KCNS3: variants seen among roughly 807,000 people sequenced by gnomAD.
The protein encoded by KCNS3 is potassium voltage-gated channel modifier subfamily S member 3.
Under a neutral mutation model 31.0 loss-of-function variants are expected in KCNS3, and 13 were observed. The ratio of observed to expected loss-of-function variants is 0.42; its 90% confidence interval spans 0.27 to 0.67. The LOEUF (loss-of-function observed/expected upper bound fraction) is 0.67. KCNS3 is among the 30% of genes least tolerant of loss of function. KCNS3 has a pLI of 0.25. For synonymous variants in KCNS3, 238 were observed against 241.5 expected, an observed-to-expected ratio of 0.99 and a Z score of 0.13; for missense variants, 545 against 622.4, an observed-to-expected ratio of 0.88 and a Z score of 1.32.
intron 2 of KCNS3, among the ~76,000 whole-genome samples, chr2:17,926,442 C>T (rs1041604403): frequency 6.6e-6 from 1 of 152,216 alleles, no homozygotes; most frequent in African/African-American, 2.4e-5. Flanking sequence ...TCTGCACTGC[C>T]CTAGCAGAGG....
chr2:17,908,355 AT>A (rs1323064621), intron 1 of KCNS3, among the ~76,000 whole-genome samples: 1 of 152,170 alleles, frequency 6.6e-6, no homozygotes, highest in African/African-American at 2.4e-5. Context: ...CTCGTTAGCC[AT>A]TCTTCTAATC....
chr2:17,887,240 A>G (rs533061137), intron 1 of KCNS3, among the ~76,000 whole-genome samples: 41 of 152,088 alleles, frequency 2.7e-4, no homozygotes, highest in Non-Finnish European at 4.4e-4. Flanking sequence ...ACTGCACAAT[A>G]TTTGTACTCT....
intron 1 of KCNS3, among the ~76,000 whole-genome samples, chr2:17,909,045 C>T (rs1558454397): frequency 6.6e-6 from 1 of 152,174 alleles, no homozygotes; most frequent in Non-Finnish European, 1.5e-5. Context: ...TTGGCTATGC[C>T]CGCCCCAGAG....
rs758874092 is a variant in KCNS3, at chr2:17,931,227, C to A, written c.219C>A (p.Pro73=). Residue 73 remains proline, a synonymous_variant, in exon 3 of 3, where the codon CCC becomes CCA. Coordinates refer to ENST00000304101, the MANE Select transcript of KCNS3 (RefSeq NM_002252.5). This position sits in a 1 kb window ranked among gnomAD's most constrained non-coding sequence, Gnocchi z 5.4. The part of the protein sequence containing the change: ...ADKEYYFDRN[P]SLFRYVLNFY... ...AGGAGTACTACTTTGATCGGAATCC[C>A]TCCTTGTTCAGATATGTTTTGAATT... The A allele has an allele frequency of 1.2e-6, 2 of 1,614,126 alleles. No individual in the cohort carries two copies. Among genetic ancestry groups the A allele is most frequent in the Non-Finnish European group, 8.5e-7 (1 of 1,180,022 alleles).
At chr2:17,900,364 G>A (rs1662144012) in intron 1 of KCNS3, among the ~76,000 whole-genome samples, 1 of 152,156 alleles carries the variant, frequency 6.6e-6, no homozygotes, top group Non-Finnish European at 1.5e-5. Flanking sequence ...GTAGGGAGAG[G>A]TCTGGGGTCT....
At chr2:17,917,241 T>G (rs1284761007) in intron 1 of KCNS3, among the ~76,000 whole-genome samples, 75 of 152,222 alleles carry the variant, frequency 4.9e-4, no homozygotes, top group Non-Finnish European at 1.2e-4. Context: ...GCAGCAGTGT[T>G]AATTCTATTA....
In KCNS3 at chr2:17,880,628, A is replaced by T. The variant is rs1201803273; in HGVS notation, c.-252+1822A>T. ...CATAATTGCCTGAATAGAGCCATTGATGAATGCAGCTACGCTAAGGTTTTG... is the reference window on the plus strand; with the variant it reads ...CATAATTGCCTGAATAGAGCCATTGTTGAATGCAGCTACGCTAAGGTTTTG... On this transcript the variant is annotated intron_variant, in intron 1 of 2. Transcript: ENST00000304101. 3.9e-5 allele frequency among the ~76,000 whole-genome samples: 6 copies of T among 152,214 alleles called. No homozygotes were observed. The East Asian group carries it at 1.2e-3, about 29-fold the overall frequency.
chr2:17,927,918 T>C lies in KCNS3; in HGVS notation c.-59-3032T>C, dbSNP rs992539931. On this transcript the variant is annotated intron_variant, in intron 2 of 2. Transcript: ENST00000304101. Reference sequence around the variant, plus strand: ...CTGGGCTTTCTGGACAGAACCAATGTACATTTTACATATATTGATTGATTT... The same window carrying C: ...CTGGGCTTTCTGGACAGAACCAATGCACATTTTACATATATTGATTGATTT... 2.0e-5 allele frequency among the ~76,000 whole-genome samples: 3 copies of C among 152,222 alleles called. 1 individual carries two copies. Among genetic ancestry groups the C allele is most frequent in the African/African-American group, 7.2e-5 (3 of 41,446 alleles).
chr2:17,885,992 A>G (rs1465445176), intron 1 of KCNS3, among the ~76,000 whole-genome samples: 1 of 152,156 alleles, frequency 6.6e-6, no homozygotes, highest in African/African-American at 2.4e-5. Flanking sequence ...AAATAGGGCC[A>G]TAGAGCCTGG....
At chr2:17,881,145 A>G (rs1674635434) in intron 1 of KCNS3, among the ~76,000 whole-genome samples, 1 of 152,228 alleles carries the variant, frequency 6.6e-6, no homozygotes, top group African/African-American at 2.4e-5. Context: ...GGGAGCCAGC[A>G]GTAGATGGAA....
Position 17,931,580 on chromosome 2 carries a change from CCTT to C in KCNS3, c.573_575del (p.Leu192del), listed in dbSNP as rs752392970. 1.7e-5 allele frequency: 28 copies of C among 1,614,062 alleles called. No individual in the cohort carries two copies. The highest frequency in any genetic ancestry group is 2.3e-5 in the Non-Finnish European group (27 of 1,180,030). The stretch of plus-strand genomic sequence containing the variant: ...TCCGCTAAGCTTATCGCTATCTCCT[CCTT>C]GAGCGTGGTGCTGGCCTCCATCGTG... On this transcript the variant is annotated inframe_deletion, in exon 3 of 3. Transcript: ENST00000304101. This position sits in a 1 kb window ranked among gnomAD's most constrained non-coding sequence, Gnocchi z 5.4.
intron 2 of KCNS3, among the ~76,000 whole-genome samples, chr2:17,926,516 T>A (rs1239949901): frequency 6.6e-6 from 1 of 152,206 alleles, no homozygotes; most frequent in Non-Finnish European, 1.5e-5. Flanking sequence ...TTTCCATACA[T>A]CCTCTGAAAT....
At chr2:17,920,154 T>G (rs1662678422) in intron 2 of KCNS3, among the ~76,000 whole-genome samples, 1 of 152,192 alleles carries the variant, frequency 6.6e-6, no homozygotes, top group African/African-American at 2.4e-5. Flanking sequence ...ATTTTTTTCT[T>G]TGATGAAAAA....
intron 2 of KCNS3, among the ~76,000 whole-genome samples, chr2:17,922,304 T>C (rs1662736747): frequency 6.6e-6 from 1 of 151,922 alleles, no homozygotes; most frequent in Admixed American, 6.6e-5. Flanking sequence ...TATTATGAGA[T>C]TTGAGTTCTA....
At chr2:17,921,915 GTATATATATATATATATAT>G (rs1397978560) in intron 2 of KCNS3, among the ~76,000 whole-genome samples, 4 of 32,810 alleles carry the variant, frequency 1.2e-4, no homozygotes, top group Non-Finnish European at 2.2e-4. Flanking sequence ...GTGTGTGTGT[GTATATATATATATATATAT>G]ATATATATAT....
chr2:17,917,310 C>T (rs576681544), intron 1 of KCNS3, among the ~76,000 whole-genome samples: 12 of 152,318 alleles, frequency 7.9e-5, no homozygotes, highest in African/African-American at 2.9e-4. Flanking sequence ...CATTTAGAAG[C>T]TTACAAGTAT....
intron 1 of KCNS3, among the ~76,000 whole-genome samples, chr2:17,887,259 C>G (rs62130421): frequency 6.6e-6 from 1 of 151,762 alleles, no homozygotes; most frequent in Non-Finnish European, 1.5e-5. Context: ...CTTTTAATCC[C>G]TCCCCCACTC....
At chr2:17,887,289 C>G (rs1188425684) in intron 1 of KCNS3, among the ~76,000 whole-genome samples, 3 of 151,986 alleles carry the variant, frequency 2.0e-5, no homozygotes, top group Non-Finnish European at 2.9e-5. Context: ...CCCCTGAGTC[C>G]CCAAAGTCCA....
At chr2:17,915,572 T>G (rs979919870) in intron 1 of KCNS3, among the ~76,000 whole-genome samples, 5 of 152,140 alleles carry the variant, frequency 3.3e-5, no homozygotes, top group Non-Finnish European at 7.3e-5. Flanking sequence ...ACCTTAGGTG[T>G]AGGACTTTGG....
Sources: allele counts gnomAD v4.1 joint callset (sites outside exome capture counted in the v4.1 genomes callset), GRCh38; gene constraint gnomAD v4.1.1; non-coding constraint Gnocchi (gnomAD v3.1); transcripts MANE v1.5; gene names NCBI Gene and HGNC (gene_info 2026-07-23, HGNC 2026-07-21).